Variants in LDLRAD4 observed in about 807,000 individuals in gnomAD.
LDLRAD4 encodes low-density lipoprotein receptor class A domain-containing protein 4.
LDLRAD4 carries 5 observed loss-of-function variants against 17.0 expected under a neutral mutation model. The ratio of observed to expected loss-of-function variants is 0.29; its 90% CI spans 0.15 to 0.62. The LOEUF (loss-of-function observed/expected upper bound fraction) is 0.62, where lower values mean the gene tolerates loss of function less well. LDLRAD4 is among the 20% of genes least tolerant of loss of function. The pLI, the probability that LDLRAD4 is intolerant of heterozygous loss-of-function variation, is 0.84. For synonymous variants in LDLRAD4, 168 were observed against 171.8 expected (o/e 0.98, Z 0.17); for missense variants, 340 against 424.7 (o/e 0.80, Z 1.75).
intron 3 of LDLRAD4, among the ~76,000 whole-genome samples, chr18:13,508,691 GAA>G (rs1000411623): frequency 6.6e-6 from 1 of 150,544 alleles, no homozygotes; most frequent in African/African-American, 2.4e-5. Context: ...TACTGCTCAG[GAA>G]AAAAAAAGAT....
intron 3 of LDLRAD4, among the ~76,000 whole-genome samples, chr18:13,574,724 G>T (rs1199351411): frequency 6.6e-6 from 1 of 152,130 alleles, no homozygotes; most frequent in Non-Finnish European, 1.5e-5. Flanking sequence ...CACTGTGGAG[G>T]GTATTTTCAG....
chr18:13,250,612 C>T (rs2043182622), intron 1 of LDLRAD4, among the ~76,000 whole-genome samples: 1 of 152,066 alleles, frequency 6.6e-6, no homozygotes, highest in Non-Finnish European at 1.5e-5. Context: ...TAACTACATG[C>T]CACTAAAGTA....
At chr18:13,297,934 A>G (rs2046361295) in intron 1 of LDLRAD4, among the ~76,000 whole-genome samples, 1 of 152,254 alleles carries the variant, frequency 6.6e-6, no homozygotes, top group African/African-American at 2.4e-5. Flanking sequence ...ACTGAAGCTG[A>G]AAGTGGAGGC....
chr18:13,386,211 A>G (rs2085784709), intron 1 of LDLRAD4, among the ~76,000 whole-genome samples: 1 of 152,258 alleles, frequency 6.6e-6, no homozygotes, highest in Admixed American at 6.5e-5. Flanking sequence ...GTGATAACAT[A>G]AAAGAGGTTT....
At chr18:13,490,923 G>C (rs3809904) in intron 3 of LDLRAD4, among the ~76,000 whole-genome samples, 134,243 of 152,222 alleles carry the variant, frequency 0.88, 59,330 homozygotes, top group South Asian at 0.96. Context: ...CTGGGCCTCT[G>C]TCTCTGGACG....
Position 13,496,557 on chromosome 18 carries a change from A to G in LDLRAD4, c.181+58173A>G, listed in dbSNP as rs139369813. ...CGGAGGAGATCGAAATTCAGCCTTT[A>G]AAGTACCCAGTTAAATTTAGTGTTT... On this transcript the variant is annotated intron_variant, in intron 3 of 5. Transcript: ENST00000359446. Among the ~76,000 whole-genome samples the G allele has an allele frequency of 3.0e-3, 458 of 152,322 alleles. 4 individuals carry two copies. The highest frequency in any genetic ancestry group is 0.01 in the African/African-American group (429 of 41,584).
chr18:13,241,279 C>T (rs568750820), intron 1 of LDLRAD4: 1 of 152,356 alleles, frequency 6.6e-6, no homozygotes, highest in South Asian at 2.1e-4. Flanking sequence ...CCTCACAGGG[C>T]GCTGGTTTAT....
chr18:13,452,101 G>A (rs2091871155), intron 3 of LDLRAD4, among the ~76,000 whole-genome samples: 1 of 152,200 alleles, frequency 6.6e-6, no homozygotes. Context: ...GCCCCTGAGA[G>A]TAGGGACTGG....
intron 3 of LDLRAD4, among the ~76,000 whole-genome samples, chr18:13,525,035 G>A (rs565299112): frequency 2.6e-5 from 4 of 152,312 alleles, no homozygotes; most frequent in East Asian, 3.9e-4. Context: ...GTGTGCGTGC[G>A]CCTTTGCATG....
At chr18:13,442,394 G>T (rs2091080956) in intron 3 of LDLRAD4, among the ~76,000 whole-genome samples, 1 of 152,216 alleles carries the variant, frequency 6.6e-6, no homozygotes, top group African/African-American at 2.4e-5. Context: ...TCCTGGAGTA[G>T]GTGTGCTGGA....
intron 1 of LDLRAD4, among the ~76,000 whole-genome samples, chr18:13,372,727 G>A (rs533219197): frequency 6.6e-5 from 10 of 152,304 alleles, no homozygotes; most frequent in Admixed American, 1.3e-4. Context: ...GGTATGGTCC[G>A]GTACTCAGCA....
intron 3 of LDLRAD4, among the ~76,000 whole-genome samples, chr18:13,497,038 T>C (rs1351088321): frequency 6.6e-6 from 1 of 152,258 alleles, no homozygotes; most frequent in Non-Finnish European, 1.5e-5. Flanking sequence ...TTACTGTGTT[T>C]TAAGCCATAA....
intron 1 of LDLRAD4, among the ~76,000 whole-genome samples, chr18:13,226,079 G>A (rs143723455): frequency 0.023 from 3,496 of 151,164 alleles, 162 homozygotes; most frequent in East Asian, 0.21. Context: ...GGAGTGCAGT[G>A]GTGTGATCTC....
intron 3 of LDLRAD4, among the ~76,000 whole-genome samples, chr18:13,497,618 C>T (rs968920928): frequency 6.6e-6 from 1 of 151,786 alleles, no homozygotes; most frequent in African/African-American, 2.4e-5. Flanking sequence ...AGAAGTAGTT[C>T]ACTAAGACTT....
chr18:13,252,311 T>C (rs2043262952), intron 1 of LDLRAD4, among the ~76,000 whole-genome samples: 1 of 152,132 alleles, frequency 6.6e-6, no homozygotes, highest in Non-Finnish European at 1.5e-5. Context: ...GTATTTTTAG[T>C]AGAGATGGGG....
At chr18:13,308,545 G>A (rs545626871) in intron 1 of LDLRAD4, among the ~76,000 whole-genome samples, 1 of 152,208 alleles carries the variant, frequency 6.6e-6, no homozygotes, top group African/African-American at 2.4e-5. Context: ...GTGAAAGGTG[G>A]GCGAAGGTGC....
chr18:13,387,440 C>T (rs992334284), exon 2 of LDLRAD4: 5 of 369,634 alleles, frequency 1.4e-5, no homozygotes, highest in South Asian at 7.2e-5. Context: ...CAGGGGCGCC[C>T]GTGTTCTGAG....
intron 1 of LDLRAD4, among the ~76,000 whole-genome samples, chr18:13,281,625 A>C (rs921352188): frequency 6.6e-6 from 1 of 152,104 alleles, no homozygotes; most frequent in Non-Finnish European, 1.5e-5. Context: ...GCTATCAGGG[A>C]AGTGACACCA....
chr18:13,321,786 G>A (rs1169439153), intron 1 of LDLRAD4, among the ~76,000 whole-genome samples: 1 of 142,960 alleles, frequency 7.0e-6, no homozygotes, highest in African/African-American at 2.6e-5. Flanking sequence ...GCTGGAACCA[G>A]GGAGGCAGAG....
Sources: gnomAD v4.1 joint callset for allele counts (sites outside exome capture counted in the v4.1 genomes callset) on GRCh38, gnomAD v4.1.1 for gene constraint, MANE v1.5 for transcripts, NCBI Gene and HGNC (gene_info 2026-07-23, HGNC 2026-07-21) for gene names.